The following NTM variants were observed in gnomAD, a reference collection of about 807,000 sequenced individuals.
NTM encodes the protein neurotrimin, also known as IgLON family member 2.
In NTM, 13 loss-of-function variants were observed where a neutral mutation model predicts 42.1. That is an observed-to-expected ratio of 0.31 (90% CI 0.20 to 0.49). The LOEUF is 0.49. Among genes scored for constraint, NTM ranks in the 20% least tolerant of loss-of-function variants. NTM has a pLI of 0.99. For missense variants in NTM, 373 were observed against 452.8 expected, an observed-to-expected ratio of 0.82 and a Z score of 1.60; for synonymous variants, 187 against 179.2, an observed-to-expected ratio of 1.04 and a Z score of -0.35.
Position 131,953,473 on chromosome 11 carries a change from A to G in NTM, c.167+41825A>G, listed in dbSNP as rs574688096. On this transcript the variant is annotated intron_variant, in intron 2 of 8. Coordinates refer to ENST00000683400, the MANE Select transcript of NTM (RefSeq NM_001352005.2). ...CCCTTGAAGACCACTATACCTACCT[A>G]TGGAGCATGACATAAAGTGAAATGT... Among the ~76,000 whole-genome samples, 9 of 152,278 alleles carry G rather than the reference A, an allele frequency of 5.9e-5. No individual in the cohort carries two copies. The South Asian group carries it at 1.2e-3, about 21-fold the overall frequency.
chr11:131,552,122 T>C lies in NTM; in HGVS notation c.82+181234T>C, dbSNP rs528984047. Among the ~76,000 whole-genome samples the C allele has an allele frequency of 9.5e-5, 14 of 147,830 alleles. No individual in the cohort carries two copies. The South Asian group carries it at 3.0e-3, about 32-fold the overall frequency. ...GAATAAAAAGGCACACCCACCAGAA[T>C]GAGGAAGGAAAGAAGGAAAAGAGCT... On this transcript the variant is annotated intron_variant, in intron 1 of 8. Coordinates refer to ENST00000683400, the MANE Select transcript of NTM (RefSeq NM_001352005.2).
intron 1 of NTM, among the ~76,000 whole-genome samples, chr11:131,672,349 G>A (rs945896828): frequency 2.6e-5 from 4 of 152,220 alleles, no homozygotes; most frequent in African/African-American, 9.6e-5. Context: ...TTGAGCAAAT[G>A]AGCCTCCTTT....
rs2095375506 is a variant in NTM, at chr11:132,314,673, G to A, written c.904G>A (p.Gly302Ser). The A allele has an allele frequency of 6.2e-7, 1 of 1,613,582 alleles. No individual in the cohort carries two copies. Among genetic ancestry groups the A allele is most frequent in the South Asian group, 1.1e-5 (1 of 90,932 alleles). Residue 302 changes from glycine to serine, a missense_variant, in exon 7 of 9, where the codon GGC (glycine) becomes AGC (serine). Transcript: ENST00000683400. ...NYTCVASNKLGHTNASIMLFE... is the reference protein window; with the variant it reads ...NYTCVASNKLSHTNASIMLFE... ...CACTTGCGTGGCCTCCAACAAGCTG[G>A]GCCACACCAATGCCAGCATCATGCT...
At chr11:131,519,999 G>T (rs1458780938) in intron 1 of NTM, among the ~76,000 whole-genome samples, 5 of 151,592 alleles carry the variant, frequency 3.3e-5, no homozygotes, top group African/African-American at 1.2e-4. Flanking sequence ...GTTATGACCA[G>T]CCCAACTCTT....
intron 3 of NTM, among the ~76,000 whole-genome samples, chr11:132,159,824 G>A (rs370122189): frequency 6.6e-6 from 1 of 152,190 alleles, no homozygotes; most frequent in East Asian, 1.9e-4. Flanking sequence ...GGAGCCCAGC[G>A]AGCTAAGGCC....
intron 1 of NTM, among the ~76,000 whole-genome samples, chr11:131,567,502 A>G (rs1224205072): frequency 6.6e-6 from 1 of 152,072 alleles, no homozygotes; most frequent in Non-Finnish European, 1.5e-5. Context: ...AAAAGACCCA[A>G]AAATCTAGAG....
chr11:132,158,791 T>C (rs1245565959), intron 3 of NTM, among the ~76,000 whole-genome samples: 2 of 152,218 alleles, frequency 1.3e-5, no homozygotes, highest in African/African-American at 4.8e-5. Flanking sequence ...GACATTCAGC[T>C]GAGTTTTGCA....
At chr11:132,075,100 C>T (rs1203144214) in intron 2 of NTM, among the ~76,000 whole-genome samples, 1 of 152,144 alleles carries the variant, frequency 6.6e-6, no homozygotes, top group Non-Finnish European at 1.5e-5. Flanking sequence ...AGGACAAGTA[C>T]TCCATGATTC....
chr11:131,428,676 G>A (rs575014777), intron 1 of NTM, among the ~76,000 whole-genome samples: 178 of 152,150 alleles, frequency 1.2e-3, no homozygotes, highest in African/African-American at 4.0e-3. Flanking sequence ...CAACCTCTTA[G>A]CACAATTTCT....
intron 2 of NTM, among the ~76,000 whole-genome samples, chr11:132,018,555 C>A (rs567288464): frequency 1.3e-5 from 2 of 152,028 alleles, no homozygotes; most frequent in Middle Eastern, 3.4e-3. Flanking sequence ...CTAAGTCAAG[C>A]TATCATTTTT....
chr11:132,324,427 T>A (rs1327938454), intron 7 of NTM, among the ~76,000 whole-genome samples: 3 of 149,878 alleles, frequency 2.0e-5, no homozygotes, highest in Non-Finnish European at 4.5e-5. Flanking sequence ...TCACAATTGC[T>A]TGAAAGAGAA....
chr11:132,124,213 C>A (rs1011525560), intron 2 of NTM, among the ~76,000 whole-genome samples: 1 of 152,112 alleles, frequency 6.6e-6, no homozygotes, highest in Non-Finnish European at 1.5e-5. Flanking sequence ...CCCGGATCTT[C>A]GATCGGGCCA....
chr11:131,774,239 A>G, intron 1 of NTM: 3 of 361,336 alleles, frequency 8.3e-6, no homozygotes, highest in Non-Finnish European at 1.2e-5. Flanking sequence ...TGCCCCTTAC[A>G]ACCTCAATTT....
At chr11:132,105,276 GAT>G (rs760493227) in intron 2 of NTM, among the ~76,000 whole-genome samples, 126 of 152,024 alleles carry the variant, frequency 8.3e-4, no homozygotes, top group Non-Finnish European at 1.5e-3. Context: ...CGTATCTCCA[GAT>G]GAATAAACTT....
At chr11:131,484,015 G>A (rs1953896722) in intron 1 of NTM, among the ~76,000 whole-genome samples, 1 of 152,178 alleles carries the variant, frequency 6.6e-6, no homozygotes, top group Admixed American at 6.5e-5. Context: ...AATAGCCATG[G>A]CGCCCTAATT....
At chr11:132,048,827 T>C (rs377499392) in intron 2 of NTM, among the ~76,000 whole-genome samples, 13 of 124,322 alleles carry the variant, frequency 1.0e-4, no homozygotes, top group South Asian at 5.2e-4. Flanking sequence ...TCTTTTTTTT[T>C]TTTTTTTTTT....
chr11:132,059,545 G>C (rs2080272610), intron 2 of NTM, among the ~76,000 whole-genome samples: 1 of 152,138 alleles, frequency 6.6e-6, no homozygotes, highest in Admixed American at 6.5e-5. Context: ...TAAGTGTGTG[G>C]TACCGGCTGA....
intron 2 of NTM, among the ~76,000 whole-genome samples, chr11:132,115,279 G>A (rs774800385): frequency 3.8e-4 from 58 of 152,278 alleles, no homozygotes; most frequent in Non-Finnish European, 4.0e-4. Context: ...AGTATATTGA[G>A]AGTGGATCTT....
chr11:131,497,515 T>C (rs200092084), intron 1 of NTM, among the ~76,000 whole-genome samples: 1 of 49,086 alleles, frequency 2.0e-5, no homozygotes, highest in Non-Finnish European at 4.5e-5. Context: ...AGAGGCCCTT[T>C]CTGAGAGTCT....
Sources: allele counts gnomAD v4.1 joint callset (sites outside exome capture counted in the v4.1 genomes callset), GRCh38; gene constraint gnomAD v4.1.1; transcripts MANE v1.5; gene names NCBI Gene and HGNC (gene_info 2026-07-23, HGNC 2026-07-21).